SYT1: variants seen among roughly 807,000 people sequenced by gnomAD.
SYT1 encodes the protein synaptotagmin-1.
SYT1 carries 8 observed loss-of-function variants against 44.8 expected under a neutral mutation model. The ratio of observed to expected loss-of-function variants is 0.18; its 90% CI spans 0.10 to 0.32. The LOEUF (loss-of-function observed/expected upper bound fraction) is 0.32, where lower values mean the gene tolerates loss of function less well. Ranked by LOEUF, SYT1 falls within the 10% of genes least tolerant of loss-of-function variation. The probability of loss-of-function intolerance (pLI) is 1.00; values close to 1 mark genes in which losing one functional copy is unlikely to be tolerated. For synonymous variants in SYT1, 154 were observed against 188.8 expected, an observed-to-expected ratio of 0.82 and a Z score of 1.51; for missense variants, 286 against 509.3, an observed-to-expected ratio of 0.56 and a Z score of 4.22.
At chr12:79,317,803 G>C (rs1881168857) in intron 8 of SYT1, among the ~76,000 whole-genome samples, 1 of 152,164 alleles carries the variant, frequency 6.6e-6, no homozygotes, top group Non-Finnish European at 1.5e-5. Context: ...TGAGAGGACT[G>C]AGTGCACTGC....
chr12:79,236,009 C>G (rs1171976382), intron 4 of SYT1, among the ~76,000 whole-genome samples: 1 of 152,162 alleles, frequency 6.6e-6, no homozygotes, highest in African/African-American at 2.4e-5. Context: ...CACTTTTGGA[C>G]CCCCATTGTC....
At chr12:78,960,394 G>A (rs1879438503) in intron 1 of SYT1, 1 of 152,074 alleles carries the variant, frequency 6.6e-6, no homozygotes. Flanking sequence ...TTATAATTTG[G>A]AAAATAGAAA....
intron 2 of SYT1, among the ~76,000 whole-genome samples, chr12:79,000,261 G>C (rs1870644852): frequency 1.4e-5 from 2 of 145,190 alleles, no homozygotes; most frequent in Non-Finnish European, 3.0e-5. Flanking sequence ...ATTTAAAAAT[G>C]ACTTTTTAGA....
At chr12:79,000,779 C>CT (rs369512519) in intron 2 of SYT1, among the ~76,000 whole-genome samples, 1 of 151,946 alleles carries the variant, frequency 6.6e-6, no homozygotes, top group African/African-American at 2.4e-5. Context: ...GGGGAAGAAA[C>CT]TTTTTTTTCA....
chr12:79,082,038 C>G (rs777706445), intron 3 of SYT1, among the ~76,000 whole-genome samples: 3 of 152,098 alleles, frequency 2.0e-5, no homozygotes, highest in Non-Finnish European at 4.4e-5. Flanking sequence ...CTTTTTCCTA[C>G]TGAAACTATT....
intron 3 of SYT1, among the ~76,000 whole-genome samples, chr12:79,172,036 ATTAT>A (rs1221017089): frequency 8.6e-5 from 13 of 151,878 alleles, no homozygotes; most frequent in Non-Finnish European, 1.5e-4. Context: ...ATCTCTTTTA[ATTAT>A]TTATTTAATG....
intron 8 of SYT1, among the ~76,000 whole-genome samples, chr12:79,323,260 C>G (rs911586098): frequency 6.6e-6 from 1 of 151,972 alleles, no homozygotes; most frequent in African/African-American, 2.4e-5. Context: ...CTATTTTTGA[C>G]AGTGAAAAGT....
At chr12:79,201,915 A>G (rs1418657017) in intron 3 of SYT1, among the ~76,000 whole-genome samples, 1 of 152,174 alleles carries the variant, frequency 6.6e-6, no homozygotes, top group Non-Finnish European at 1.5e-5. Flanking sequence ...TAATGTCATA[A>G]TATCAAATTA....
intron 3 of SYT1, among the ~76,000 whole-genome samples, chr12:79,120,374 G>GT (rs1202005521): frequency 6.6e-6 from 1 of 152,024 alleles, no homozygotes; most frequent in East Asian, 1.9e-4. Flanking sequence ...ATATTCCCAT[G>GT]TAACAAATCT....
intron 9 of SYT1, among the ~76,000 whole-genome samples, chr12:79,428,443 C>G (rs1160588696): frequency 6.6e-6 from 1 of 152,128 alleles, no homozygotes; most frequent in Non-Finnish European, 1.5e-5. Flanking sequence ...ATTCACGAGG[C>G]CTTTAAGTGT....
At chr12:79,379,016 G>A (rs1480964359) in intron 9 of SYT1, among the ~76,000 whole-genome samples, 2 of 152,054 alleles carry the variant, frequency 1.3e-5, no homozygotes, top group African/African-American at 4.8e-5. Context: ...TCAAAATAGG[G>A]GTGGGAGTTG....
intron 7 of SYT1, among the ~76,000 whole-genome samples, chr12:79,297,673 T>C (rs1261518241): frequency 6.6e-6 from 1 of 152,132 alleles, no homozygotes; most frequent in African/African-American, 2.4e-5. Context: ...TATACATAAA[T>C]CCAAAGTATA....
chr12:78,999,457 C>T (rs73148234), intron 2 of SYT1, among the ~76,000 whole-genome samples: 28 of 152,232 alleles, frequency 1.8e-4, no homozygotes, highest in East Asian at 3.9e-4. Flanking sequence ...ATGATGTAAA[C>T]GGTTTCTGAC....
intron 1 of SYT1, among the ~76,000 whole-genome samples, chr12:78,892,224 CT>C (rs141998114): frequency 3.6e-4 from 54 of 151,856 alleles, no homozygotes; most frequent in African/African-American, 1.2e-3. Context: ...CTTGGATTCA[CT>C]AATATGGAAA....
chr12:79,179,366 A>ATC (rs1270737331), intron 3 of SYT1, among the ~76,000 whole-genome samples: 71 of 2,324 alleles, frequency 0.031, 6 homozygotes, highest in African/African-American at 0.05. Context: ...ATATAGATAT[A>ATC]GATATAGATA....
At position 79,036,148 on chromosome 12, in the gene SYT1, G is replaced by C. The variant is rs547163798; in HGVS notation, c.-83-11149G>C. Among the ~76,000 whole-genome samples the C allele has an allele frequency of 1.7e-3, 264 of 151,800 alleles. 2 individuals are homozygous for C. The highest frequency in any genetic ancestry group is 6.2e-3 in the African/African-American group (256 of 41,478). Reference sequence around the variant, plus strand: ...ATTTTAAGTACCAGCTTATTACAGGGAAGCACAAATATATAGTGCATGGCC... The same window carrying C: ...ATTTTAAGTACCAGCTTATTACAGGCAAGCACAAATATATAGTGCATGGCC... On this transcript the variant is annotated intron_variant, in intron 2 of 10. Transcript: ENST00000261205.
chr12:79,253,483 GTCTCTCTCTCTCTCTCTCTC>G (rs60179268), intron 4 of SYT1, among the ~76,000 whole-genome samples: 8 of 129,404 alleles, frequency 6.2e-5, no homozygotes, highest in South Asian at 5.8e-4. Flanking sequence ...CCATTGCCCA[GTCTCTCTCTCTCTCTCTCTC>G]TCTCTCTCTC....
intron 1 of SYT1, among the ~76,000 whole-genome samples, chr12:78,933,267 C>G (rs11609097): frequency 6.6e-6 from 1 of 151,986 alleles, no homozygotes; most frequent in Admixed American, 6.6e-5. Context: ...CTTCTGTGAG[C>G]CTGTCTTGTC....
chr12:79,178,357 T>C (rs1184326500), intron 3 of SYT1, among the ~76,000 whole-genome samples: 1 of 152,052 alleles, frequency 6.6e-6, no homozygotes, highest in Non-Finnish European at 1.5e-5. Context: ...CCATTATTTT[T>C]CTTTTTCATG....
Sources: allele counts gnomAD v4.1 joint callset (sites outside exome capture counted in the v4.1 genomes callset), GRCh38; gene constraint gnomAD v4.1.1; transcripts MANE v1.5; gene names NCBI Gene and HGNC (gene_info 2026-07-23, HGNC 2026-07-21).